Variants in HJURP observed in about 807,000 individuals in gnomAD.
HJURP encodes the protein 14-3-3-associated AKT substrate.
In HJURP, 49 loss-of-function variants were observed where a neutral mutation model predicts 72.0. That is an observed-to-expected ratio of 0.68 (90% confidence interval 0.54 to 0.86). The LOEUF is 0.86. HJURP is among the 40% of genes least tolerant of loss of function. The pLI is 0.00. For synonymous variants in HJURP, 357 were observed against 347.1 expected (o/e 1.03, Z -0.32); for missense variants, 908 against 936.3 (o/e 0.97, Z 0.39).
At chr2:233,843,144 A>G (rs1359964941) in intron 7 of HJURP, among the ~76,000 whole-genome samples, 1 of 152,184 alleles carries the variant, frequency 6.6e-6, no homozygotes, top group East Asian at 1.9e-4. Context: ...AAAAAAAAGA[A>G]CCAGAGGGGA....
rs1036181466 is a variant in HJURP, at chr2:233,854,442, T to C, written c.59A>G (p.Gln20Arg). 3.7e-6 allele frequency: 6 copies of C among 1,612,302 alleles called. No individual in the cohort carries two copies. Among genetic ancestry groups the C allele is most frequent in the Non-Finnish European group, 5.1e-6 (6 of 1,179,512 alleles). ...GEDVEDDQLL[Q>R]KLRASRRRFQ... ...GCGGCGGCGACTGGCCCTGAGCTTC[T>C]GCAGCAGCTGGTCGTCTTCCACGTC... The change falls in exon 1 of 9, where the codon CAG (glutamine) becomes CGG (arginine). Residue 20 changes from glutamine (Q) to arginine (R), a missense_variant. Transcript: ENST00000411486.
Position 233,840,627 on chromosome 2 carries a change from T to C in HJURP, c.2153A>G (p.Gln718Arg), listed in dbSNP as rs1705196627. 2.5e-6 allele frequency: 4 copies of C among 1,599,292 alleles called. No homozygotes were observed. The highest frequency in any genetic ancestry group is 1.4e-5 in the African/African-American group (1 of 73,884). Reference protein sequence around the residue: ...VRPGDQGSSSQPNSEERGENT... With the variant: ...VRPGDQGSSSRPNSEERGENT... ...CACCTACCTCTCTTCTGAGTTGGGC[T>C]GTGAAGAGCTGCCCTGGTCTCCCGG... The change falls in exon 8 of 9, where the codon CAG becomes CGG. Residue 718 changes from glutamine (Q) to arginine (R), a missense_variant. By Grantham distance (43) the Gln-to-Arg change is conservative (BLOSUM62 1). Around this residue, in one of 3 missense-constraint regions of HJURP, gnomAD observed 598 missense variants for 619.5 expected, o/e 0.97. Coordinates refer to ENST00000411486, the MANE Select transcript of HJURP (RefSeq NM_018410.5).
In HJURP at chr2:233,837,476, G is replaced by A. The variant is rs148876974; in HGVS notation, c.*101C>T. 5 of 794,644 alleles carry A rather than the reference G, an allele frequency of 6.3e-6. No homozygotes were observed. Among genetic ancestry groups the A allele is most frequent in the Non-Finnish European group, 1.1e-5 (5 of 460,182 alleles). The allele number at this position is 794,644 out of a possible 1,614,324, so 49.2% of individuals were successfully genotyped here. ...TTCACTAATATTTACTTTAAGGGCA[G>A]AGAAGTCAACCAAGTCCTCACAGTC... On this transcript the variant is annotated 3_prime_UTR_variant, in exon 9 of 9. Coordinates refer to ENST00000411486, the MANE Select transcript of HJURP (RefSeq NM_018410.5).
rs765999434 is a variant in HJURP at position 233,840,608 on chromosome 2, CCT to C, written c.2170_2171del (p.Gly725ArgfsTer12). 22 of 1,577,238 alleles carry C rather than the reference CCT, an allele frequency of 1.4e-5. No individual in the cohort carries two copies. The East Asian group carries it at 4.5e-4, about 32-fold the overall frequency. On this transcript the variant is annotated frameshift_variant and splice_region_variant, in exon 8 of 9. Coordinates refer to ENST00000411486, the MANE Select transcript of HJURP (RefSeq NM_018410.5). LOFTEE classifies it high-confidence loss of function. ...CATTCAACCAACAGAAACACACCTACCTCTCTTCTGAGTTGGGCTGTGAAGAG... is the reference window on the plus strand; with the variant it reads ...CATTCAACCAACAGAAACACACCTACCTCTTCTGAGTTGGGCTGTGAAGAG... ...GSSSQPNSEE[R>X]GENTSYRMEE...
At position 233,837,310 on chromosome 2, in the gene HJURP, A is replaced by C. The variant is rs1323113147; in HGVS notation, c.*267T>G. ...AAAACAAACAAACAAACAAACAAAC[A>C]AACAAATAACCCCCCCCCAAAAAAA... On this transcript the variant is annotated 3_prime_UTR_variant, in exon 9 of 9. Transcript: ENST00000411486. 13 of 331,906 alleles carry C rather than the reference A, an allele frequency of 3.9e-5. No homozygotes were observed. The East Asian group carries it at 4.8e-4, about 12-fold the overall frequency. The allele number at this position is 331,906 out of a possible 1,614,324, so 20.6% of individuals were successfully genotyped here. A position where few individuals can be genotyped will look rare whatever the true frequency, so the allele number is the denominator to read the frequency against.
chr2:233,853,614 G>A (rs1705547087), intron 2 of HJURP, among the ~76,000 whole-genome samples: 1 of 152,210 alleles, frequency 6.6e-6, no homozygotes, highest in African/African-American at 2.4e-5. Context: ...GGTGGCCAGC[G>A]GGGATGCCAA....
At position 233,847,381 on chromosome 2, in the gene HJURP, T is replaced by C. The variant is rs1384418356; in HGVS notation, c.402+16A>G. On this transcript the variant is annotated intron_variant, in intron 5 of 8. Transcript: ENST00000411486. ...AGCGCCCCCTCTGTCCATTCATTAC[T>C]AAAGGCAGCACTTACTGCTAAGGCC... The C allele has an allele frequency of 6.2e-7, 1 of 1,607,682 alleles. No individual in the cohort carries two copies. The highest frequency in any genetic ancestry group is 8.5e-7 in the Non-Finnish European group (1 of 1,174,108).
intron 3 of HJURP, among the ~76,000 whole-genome samples, chr2:233,851,260 C>T (rs756796067): frequency 2.0e-4 from 31 of 152,248 alleles, no homozygotes; most frequent in Non-Finnish European, 4.0e-4. Context: ...CAGCATTTAT[C>T]GAAAAGGGGG....
intron 8 of HJURP, among the ~76,000 whole-genome samples, chr2:233,840,266 T>C (rs1360439092): frequency 6.6e-6 from 1 of 152,176 alleles, no homozygotes; most frequent in Non-Finnish European, 1.5e-5. Context: ...GAGTGTCAGA[T>C]GAAGAGGTTA....
chr2:233,839,972 C>G (rs1705179207), intron 8 of HJURP, among the ~76,000 whole-genome samples: 2 of 152,166 alleles, frequency 1.3e-5, no homozygotes, highest in African/African-American at 4.8e-5. Context: ...TTAATGCCAA[C>G]AAAGGTACTC....
rs750381246 is a variant in HJURP, at chr2:233,852,595, T to C, written c.210A>G (p.Leu70=). 1.9e-6 allele frequency: 3 copies of C among 1,605,566 alleles called. No individual in the cohort carries two copies. The highest frequency in any genetic ancestry group is 2.6e-6 in the Non-Finnish European group (3 of 1,172,030). ...PQGLRIWGGR[L]IKERNEGEIQ... ...TCTCTCCTTCGTTTCTTTCCTTTAT[T>C]AGTCTTCCACCCCAAATTCTCAATC... The change falls in exon 3 of 9, where the codon CTA becomes CTG. Residue 70 remains leucine, a synonymous_variant. Transcript: ENST00000411486.
chr2:233,841,281 G>A lies in HJURP; in HGVS notation c.1499C>T (p.Ala500Val), dbSNP rs751079082. ...AGATCTTTTGCCTAGGTTTTCAAAA[G>A]CCTCACTTAAACTTTTTGCTTTTGC... is the stretch of plus-strand genomic sequence containing the variant. ...SKAKAKSLSE[A>V]FENLGKRSLE... The change falls in exon 8 of 9, where the codon GCT (alanine) becomes GTT (valine). Residue 500 changes from alanine (A) to valine (V), a missense_variant. Transcript: ENST00000411486. The A allele has an allele frequency of 6.2e-7, 1 of 1,614,094 alleles. No homozygotes were observed. Among genetic ancestry groups the A allele is most frequent in the Admixed American group, 1.7e-5 (1 of 60,016 alleles).
chr2:233,838,726 A>G (rs1167777103), intron 8 of HJURP, among the ~76,000 whole-genome samples: 1 of 150,714 alleles, frequency 6.6e-6, no homozygotes. Context: ...TCAACTGAGA[A>G]GGAGACTCTT....
intron 3 of HJURP, among the ~76,000 whole-genome samples, chr2:233,851,234 C>T (rs1268189187): frequency 2.0e-5 from 3 of 152,108 alleles, no homozygotes; most frequent in Admixed American, 6.5e-5. Flanking sequence ...TACTTTAACC[C>T]GATAATCCCA....
rs1559499096 is a variant in HJURP, at chr2:233,849,778, T to G, written c.322A>C (p.Thr108Pro). 1.3e-6 allele frequency: 2 copies of G among 1,553,148 alleles called. No homozygotes were observed. Among genetic ancestry groups the G allele is most frequent in the Non-Finnish European group, 1.7e-6 (2 of 1,147,958 alleles). Reference sequence around the variant, plus strand: ...CAACACTCACCGGCTCCCAGGACTGTGCGGTGCGAGGGAAGCTCAGGACCC... The same window carrying G: ...CAACACTCACCGGCTCCCAGGACTGGGCGGTGCGAGGGAAGCTCAGGACCC... The part of the protein sequence containing the change: ...AWGPELPSHR[T>P]VLGADSKSGE... Residue 108 changes from threonine to proline, a missense_variant, in exon 4 of 9, where the codon ACA becomes CCA. Physicochemically the swap from Thr to Pro is conservative, Grantham distance 38. Transcript: ENST00000411486.
chr2:233,837,653 C>G lies in HJURP; in HGVS notation c.2172-1G>C. ...CATCCTGTAAGACGTGTTCTCTCCT[C>G]TAGGAAAAAAAAAAGACAAAGAAAA... On this transcript the variant is annotated splice_acceptor_variant, in intron 8 of 8. Coordinates refer to ENST00000411486, the MANE Select transcript of HJURP (RefSeq NM_018410.5). LOFTEE classifies it high-confidence loss of function. 6.3e-7 allele frequency: 1 copy of G among 1,580,462 alleles called. No individual in the cohort carries two copies. Among genetic ancestry groups the G allele is most frequent in the South Asian group, 1.2e-5 (1 of 85,816 alleles).
Position 233,843,503 on chromosome 2 carries a change from C to T in HJURP, c.574+702G>A, listed in dbSNP as rs11898651. ...AAAATGTTTAACGTGAACCTAACCACGAGGAAGCAATCAGGTCCAAATTCA... is the reference window on the plus strand; with the variant it reads ...AAAATGTTTAACGTGAACCTAACCATGAGGAAGCAATCAGGTCCAAATTCA... On this transcript the variant is annotated intron_variant, in intron 7 of 8. Coordinates refer to ENST00000411486, the MANE Select transcript of HJURP (RefSeq NM_018410.5). Among the ~76,000 whole-genome samples the T allele has an allele frequency of 5.6e-3, 856 of 152,216 alleles. 12 individuals carry two copies. Among genetic ancestry groups the T allele is most frequent in the African/African-American group, 0.019 (797 of 41,522 alleles).
chr2:233,854,052 C>A (rs1705557292), intron 1 of HJURP, 142 bp from the exon 2 acceptor site: 4 of 673,204 alleles, frequency 5.9e-6, no homozygotes. Context: ...GAGCCCCCAA[C>A]TCCGCCTCTC....
At chr2:233,849,716 G>T in intron 4 of HJURP, 47 bp downstream of exon 4, 2 of 1,256,176 alleles carry the variant, frequency 1.6e-6, no homozygotes, top group South Asian at 1.3e-5. Flanking sequence ...AGGTGCGTCA[G>T]ACCTGGTCCC....
Sources: allele counts gnomAD v4.1 joint callset (sites outside exome capture counted in the v4.1 genomes callset), GRCh38; gene constraint gnomAD v4.1.1; regional missense constraint gnomAD v4.1.1; transcripts MANE v1.5; gene names NCBI Gene and HGNC (gene_info 2026-07-23, HGNC 2026-07-21).